NCOR2: variants seen among roughly 807,000 people sequenced by gnomAD.
NCOR2 encodes the protein nuclear receptor corepressor 2.
NCOR2 carries 81 observed loss-of-function variants against 262.9 expected under a neutral mutation model. The observed-to-expected ratio is 0.31, with a 90% CI of 0.26 to 0.37. NCOR2 has a LOEUF of 0.37. Ranked by LOEUF, NCOR2 falls within the 10% of genes least tolerant of loss-of-function variation. The probability of loss-of-function intolerance (pLI) is 1.00; values close to 1 mark genes in which losing one functional copy is unlikely to be tolerated. For synonymous variants in NCOR2, 1,659 were observed against 1,559.3 expected (o/e 1.06, Z -1.51); for missense variants, 3,385 against 3,621.4 (o/e 0.93, Z 1.68).
intron 17 of NCOR2, 74 bp downstream of exon 19, chr12:124,385,671 A>G (rs1593312943): frequency 6.4e-7 from 1 of 1,572,138 alleles, no homozygotes. Flanking sequence ...TGGGGTGCAG[A>G]GACATCTCCT....
intron 28 of NCOR2, 78 bp from the exon 31 acceptor site, chr12:124,348,392 C>G (rs956916334): frequency 2.5e-5 from 38 of 1,510,386 alleles, no homozygotes; most frequent in Non-Finnish European, 3.1e-5. Flanking sequence ...ACAGGCAGAG[C>G]CGGTAGGCAG....
intron 13 of NCOR2, among the ~76,000 whole-genome samples, chr12:124,417,188 C>CGGACACTCACTCCACGGACAGCAGGCA (rs2042943350): frequency 6.7e-6 from 1 of 148,682 alleles, no homozygotes; most frequent in African/African-American, 2.5e-5. Context: ...CAGAGCAGGC[C>CGGACACTCACTCCACGGACAGCAGGCA]GGACACTCAC....
At chr12:124,384,937 C>T (rs542967901) in intron 17 of NCOR2, among the ~76,000 whole-genome samples, 2 of 152,068 alleles carry the variant, frequency 1.3e-5, no homozygotes, top group South Asian at 4.2e-4. Flanking sequence ...ACTGTGGGTG[C>T]ATATCGCAAT....
intron 40 of NCOR2, 67 bp downstream of exon 42, chr12:124,335,068 T>C: frequency 6.2e-7 from 1 of 1,607,392 alleles, no homozygotes; most frequent in Non-Finnish European, 8.5e-7. Flanking sequence ...GGGTTCCCCA[T>C]CCCCTCTCCA....
chr12:124,488,166 A>G (rs191093902), intron 1 of NCOR2, among the ~76,000 whole-genome samples: 50 of 152,110 alleles, frequency 3.3e-4, no homozygotes, highest in Admixed American at 2.2e-3. Context: ...AAAGAGAATC[A>G]GAGACAATGC....
intron 26 of NCOR2, 140 bp downstream of exon 28, chr12:124,354,338 T>TTTAGG: frequency 8.8e-7 from 1 of 1,135,754 alleles, no homozygotes; most frequent in Non-Finnish European, 1.2e-6. Context: ...TACCCCTAAA[T>TTTAGG]GGTGAGGGAG....
At chr12:124,478,782 CAG>C (rs1273250261) in intron 3 of NCOR2, among the ~76,000 whole-genome samples, 2 of 151,948 alleles carry the variant, frequency 1.3e-5, no homozygotes, top group African/African-American at 4.8e-5. Flanking sequence ...AAGACAGAAA[CAG>C]AGACAGAAAG....
At chr12:124,341,721 A>C in intron 34 of NCOR2, 102 bp downstream of exon 36, 7 of 1,499,104 alleles carry the variant, frequency 4.7e-6, no homozygotes, top group Non-Finnish European at 6.2e-6. Flanking sequence ...GGTGACCCAC[A>C]AGGTGACCAG....
chr12:124,365,863 T>G (rs1007656342), intron 20 of NCOR2, among the ~76,000 whole-genome samples: 3 of 152,020 alleles, frequency 2.0e-5, no homozygotes, highest in Non-Finnish European at 4.4e-5. Context: ...ACAGACAAGG[T>G]ACCCTGACCC....
chr12:124,457,760 G>A lies in NCOR2; in HGVS notation c.706-598C>T, dbSNP rs1395882434. ...AGGAAAACAGGAACATGTGGCGCAGGGCTCGGTGGCCGCTCCATCAATAGG... is the reference window on the plus strand; with the variant it reads ...AGGAAAACAGGAACATGTGGCGCAGAGCTCGGTGGCCGCTCCATCAATAGG... On this transcript the variant is annotated intron_variant, in intron 5 of 46. Coordinates refer to ENST00000405201, the Ensembl canonical transcript of NCOR2. The surrounding 1 kb of genome is among the most constrained non-coding windows in gnomAD (Gnocchi z 4.0). Among the ~76,000 whole-genome samples, 1 of 151,986 alleles carries A rather than the reference G, an allele frequency of 6.6e-6. No homozygotes were observed. Among genetic ancestry groups the A allele is most frequent in the African/African-American group, 2.4e-5 (1 of 41,376 alleles).
intron 15 of NCOR2, among the ~76,000 whole-genome samples, chr12:124,399,548 T>C (rs1453544277): frequency 6.6e-6 from 1 of 151,986 alleles, no homozygotes; most frequent in African/African-American, 2.4e-5. Context: ...ACAATGAAAT[T>C]TTTAGAGAGG....
At chr12:124,344,846 G>T (rs868668727) in exon 32 of NCOR2, 1 of 1,567,842 alleles carries the variant, frequency 6.4e-7, no homozygotes. Flanking sequence ...ACATCCAGCG[G>T]GTGCACGGGT....
At chr12:124,528,390 TC>T (rs2050596717) in intron 1 of NCOR2, among the ~76,000 whole-genome samples, 1 of 152,164 alleles carries the variant, frequency 6.6e-6, no homozygotes, top group Non-Finnish European at 1.5e-5. Context: ...CGAAAAGTCA[TC>T]TTAGCTGACA....
chr12:124,461,668 C>G (rs980227579), intron 5 of NCOR2, among the ~76,000 whole-genome samples: 1 of 152,224 alleles, frequency 6.6e-6, no homozygotes, highest in East Asian at 1.9e-4. Context: ...CATGATGTAA[C>G]CACACCCGCC....
At chr12:124,357,602 T>C (rs1294502448) in intron 22 of NCOR2, among the ~76,000 whole-genome samples, 1 of 152,262 alleles carries the variant, frequency 6.6e-6, no homozygotes, top group Admixed American at 6.5e-5. Context: ...GGCCCCGCCG[T>C]CTGACTTTGT....
At chr12:124,497,610 C>T (rs2048443830), upstream of NCOR2, among the ~76,000 whole-genome samples, 1 of 152,216 alleles carries the variant, frequency 6.6e-6, no homozygotes, top group Admixed American at 6.5e-5. This position sits in a 1 kb window ranked among gnomAD's most constrained non-coding sequence, Gnocchi z 4.2. Flanking sequence ...AATAGGAAGG[C>T]ATCGGAATCA....
intron 44 of NCOR2, among the ~76,000 whole-genome samples, chr12:124,330,206 G>C (rs1447178545): frequency 6.6e-6 from 1 of 152,224 alleles, no homozygotes; most frequent in African/African-American, 2.4e-5. Context: ...ACTGGGCCAG[G>C]CCTGCCCATG....
chr12:124,389,837 C>A lies in NCOR2; in HGVS notation c.1877-3950G>T, dbSNP rs1279141594. 6.6e-6 allele frequency among the ~76,000 whole-genome samples: 1 copy of A among 152,164 alleles called. No individual in the cohort carries two copies. Among genetic ancestry groups the A allele is most frequent in the Non-Finnish European group, 1.5e-5 (1 of 68,022 alleles). Reference sequence around the variant, plus strand: ...GACCACAGCTGCCCCTTTCGTCCTCCTCCGAGAGCCCCTGCAGCCGTGAAG... The same window carrying A: ...GACCACAGCTGCCCCTTTCGTCCTCATCCGAGAGCCCCTGCAGCCGTGAAG... On this transcript the variant is annotated intron_variant, in intron 16 of 46. Transcript: ENST00000405201. This position sits in a 1 kb window ranked among gnomAD's most constrained non-coding sequence, Gnocchi z 4.4.
rs113442726 is a variant in NCOR2 at position 124,332,468 on chromosome 12, C to G, written c.6756-1G>C. 1 of 1,614,184 alleles carries G rather than the reference C, an allele frequency of 6.2e-7. No homozygotes were observed. Among genetic ancestry groups the G allele is most frequent in the Non-Finnish European group, 8.5e-7 (1 of 1,180,024 alleles). On this transcript the variant is annotated splice_acceptor_variant, in intron 42 of 46. Coordinates refer to ENST00000405201, the Ensembl canonical transcript of NCOR2. LOFTEE classifies it high-confidence loss of function. ...GCCTGGAGACTTGGAGCCCATCCTG[C>G]TGTGAGGATCAAACACCTCACATCA...
Sources: allele counts gnomAD v4.1 joint callset (sites outside exome capture counted in the v4.1 genomes callset), GRCh38; gene constraint gnomAD v4.1.1; non-coding constraint Gnocchi (gnomAD v3.1); transcripts MANE v1.5; gene names NCBI Gene and HGNC (gene_info 2026-07-23, HGNC 2026-07-21).